Variants in BTRC observed in about 807,000 individuals in gnomAD.
The protein encoded by BTRC is beta-transducin repeat containing E3 ubiquitin protein ligase.
Under a neutral mutation model 85.5 loss-of-function variants are expected in BTRC, and 42 were observed. The ratio of observed to expected loss-of-function variants is 0.49; its 90% CI spans 0.38 to 0.64. BTRC has a LOEUF of 0.64. Ranked by LOEUF, BTRC falls within the 30% of genes least tolerant of loss-of-function variation. BTRC has a pLI of 0.00. For synonymous variants in BTRC, 255 were observed against 263.3 expected (o/e 0.97, Z 0.30); for missense variants, 594 against 743.5 (o/e 0.80, Z 2.34).
intron 3 of BTRC, 98 bp downstream of exon 3, chr10:101,462,156 T>G: frequency 1.0e-6 from 1 of 957,860 alleles, no homozygotes; most frequent in Non-Finnish European, 1.6e-6. Flanking sequence ...CACTGGAGCT[T>G]ATATTAAGAG....
chr10:101,357,770 G>T (rs1227816683), intron 1 of BTRC, among the ~76,000 whole-genome samples: 4 of 152,324 alleles, frequency 2.6e-5, no homozygotes, highest in Non-Finnish European at 5.9e-5. Flanking sequence ...ATTCAGAGAT[G>T]ACCATAATTC....
chr10:101,546,786 T>C (rs2062564554), intron 13 of BTRC, among the ~76,000 whole-genome samples: 1 of 152,200 alleles, frequency 6.6e-6, no homozygotes, highest in African/African-American at 2.4e-5. Flanking sequence ...GATGAGTCTC[T>C]AGCCAGACTA....
chr10:101,430,791 G>C (rs1319921221), intron 2 of BTRC, among the ~76,000 whole-genome samples: 2 of 152,034 alleles, frequency 1.3e-5, no homozygotes, highest in East Asian at 3.9e-4. Flanking sequence ...CCTACATAAA[G>C]CCAATTAGTA....
At chr10:101,550,517 C>T (rs1039159035) in intron 13 of BTRC, among the ~76,000 whole-genome samples, 182 bp from the exon 14 acceptor site, 21 of 152,068 alleles carry the variant, frequency 1.4e-4, no homozygotes, top group Admixed American at 3.9e-4. Flanking sequence ...CTCCTGACCT[C>T]GTGATCCGCA....
upstream of BTRC, chr10:101,354,096 G>A: frequency 6.8e-7 from 1 of 1,471,930 alleles, no homozygotes; most frequent in Non-Finnish European, 9.3e-7. Context: ...AGGAAGAGGA[G>A]GCGGGATCCG....
rs780004511 is a variant in BTRC, at chr10:101,531,369, G to A, written c.840+36G>A. On this transcript the variant is annotated intron_variant, in intron 7 of 14. Coordinates refer to ENST00000370187, the MANE Select transcript of BTRC (RefSeq NM_033637.4). ...ATGTATTTTGGGGTATTGCCCAAGG[G>A]CACAGAATTATCAGCATTCTTCAGT... is the stretch of plus-strand genomic sequence containing the variant. 19 of 1,445,032 alleles carry A rather than the reference G, an allele frequency of 1.3e-5. No homozygotes were observed. The South Asian group carries it at 1.8e-4, about 13-fold the overall frequency. 89.5% of individuals were successfully genotyped at this position (1,445,032 alleles called of 1,614,324 possible).
intron 1 of BTRC, among the ~76,000 whole-genome samples, chr10:101,361,876 G>T (rs1437091112): frequency 2.6e-5 from 4 of 152,162 alleles, no homozygotes; most frequent in Non-Finnish European, 5.9e-5. Flanking sequence ...GCCAAGGTGG[G>T]GATTGGGAAG....
At chr10:101,462,158 T>A in intron 3 of BTRC, 100 bp downstream of exon 3, 1 of 936,084 alleles carries the variant, frequency 1.1e-6, no homozygotes, top group Non-Finnish European at 1.7e-6. Flanking sequence ...CTGGAGCTTA[T>A]ATTAAGAGTA....
intron 1 of BTRC, among the ~76,000 whole-genome samples, chr10:101,408,599 C>CCTG (rs1943692203): frequency 6.6e-6 from 1 of 152,170 alleles, no homozygotes; most frequent in African/African-American, 2.4e-5. Flanking sequence ...AGTCACTGGG[C>CCTG]CTGGCCCTTT....
chr10:101,521,880 C>T lies in BTRC; in HGVS notation c.556+10C>T. 1 of 1,583,850 alleles carries T rather than the reference C, an allele frequency of 6.3e-7. No homozygotes were observed. The highest frequency in any genetic ancestry group is 1.1e-5 in the South Asian group (1 of 90,094). On this transcript the variant is annotated intron_variant, in intron 5 of 14. Coordinates refer to ENST00000370187, the MANE Select transcript of BTRC (RefSeq NM_033637.4). ...ATAACTGCTCTGCCAGGTATGTCTA[C>T]AAGTGTTTGTAAACCATTAATTTGC...
At chr10:101,497,159 A>G (rs544678820) in intron 4 of BTRC, among the ~76,000 whole-genome samples, 1 of 152,254 alleles carries the variant, frequency 6.6e-6, no homozygotes, top group East Asian at 1.9e-4. Flanking sequence ...CATTTATTGA[A>G]ATGTGTAGTT....
chr10:101,466,947 T>G (rs1046725433), intron 3 of BTRC, among the ~76,000 whole-genome samples: 4 of 152,160 alleles, frequency 2.6e-5, no homozygotes, highest in Non-Finnish European at 5.9e-5. Flanking sequence ...AGCATGGAAG[T>G]CTGATGGGCA....
chr10:101,478,190 A>G (rs555325754), intron 3 of BTRC, among the ~76,000 whole-genome samples: 3 of 151,628 alleles, frequency 2.0e-5, no homozygotes, highest in Admixed American at 6.6e-5. Context: ...AAGCCCAGCT[A>G]CTCGGGAGAC....
chr10:101,491,026 T>G (rs1946116231), intron 4 of BTRC, among the ~76,000 whole-genome samples: 1 of 149,830 alleles, frequency 6.7e-6, no homozygotes, highest in African/African-American at 2.5e-5. Context: ...GCCACTGTAC[T>G]CCAGCCTGGG....
chr10:101,528,381 A>T (rs2062231592), intron 6 of BTRC, among the ~76,000 whole-genome samples: 1 of 152,206 alleles, frequency 6.6e-6, no homozygotes, highest in Non-Finnish European at 1.5e-5. Flanking sequence ...TACAAAGAAA[A>T]AACAATCATT....
At chr10:101,412,721 T>C (rs1202584744) in intron 1 of BTRC, among the ~76,000 whole-genome samples, 12 of 152,230 alleles carry the variant, frequency 7.9e-5, no homozygotes, top group Admixed American at 7.9e-4. Flanking sequence ...TGAGTAACTA[T>C]GTAAAGTACA....
chr10:101,526,026 T>G lies in BTRC; in HGVS notation c.570T>G (p.Asp190Glu). ...FITALPARGL[D>E]HIAENILSYL... ...CCCTACTGAAAGCTCGGGGATTGGA[T>G]CATATTGCTGAGAACATTCTGTCAT... The change falls in exon 6 of 15, where the codon GAT becomes GAG. Residue 190 changes from aspartate to glutamate, a missense_variant. Physicochemically the swap from Asp to Glu is conservative, Grantham distance 45 (BLOSUM62 2). This residue lies in a region of BTRC where 373 missense variants were observed against 503.6 expected (regional missense o/e 0.74). Coordinates refer to ENST00000370187, the MANE Select transcript of BTRC (RefSeq NM_033637.4). 3 of 1,613,982 alleles carry G rather than the reference T, an allele frequency of 1.9e-6. No individual in the cohort carries two copies. Among genetic ancestry groups the G allele is most frequent in the Non-Finnish European group, 2.5e-6 (3 of 1,179,924 alleles).
chr10:101,510,881 C>G (rs745921966), intron 4 of BTRC, among the ~76,000 whole-genome samples: 3 of 152,196 alleles, frequency 2.0e-5, no homozygotes, highest in Non-Finnish European at 4.4e-5. Flanking sequence ...CCTAATCTGC[C>G]TAATCTAATC....
intron 1 of BTRC, among the ~76,000 whole-genome samples, chr10:101,389,208 C>G (rs1467762805): frequency 7.7e-6 from 1 of 129,934 alleles, no homozygotes; most frequent in African/African-American, 2.9e-5. Context: ...AAGCCTGAAA[C>G]CTGGAATCAT....
Sources: allele counts gnomAD v4.1 joint callset (sites outside exome capture counted in the v4.1 genomes callset), GRCh38; gene constraint gnomAD v4.1.1; regional missense constraint gnomAD v4.1.1; transcripts MANE v1.5; gene names NCBI Gene and HGNC (gene_info 2026-07-23, HGNC 2026-07-21).